Variants in SNTB2 observed in about 807,000 individuals in gnomAD.
SNTB2 encodes the protein syntrophin beta 2.
Under a neutral mutation model 46.2 loss-of-function variants are expected in SNTB2, and 34 were observed. That is an observed-to-expected ratio of 0.74 (90% CI 0.56 to 0.98). The LOEUF is 0.98. Among genes scored for constraint, SNTB2 ranks in the 50% least tolerant of loss-of-function variants. The probability of loss-of-function intolerance (pLI) is 0.00; values close to 1 mark genes in which losing one functional copy is unlikely to be tolerated. For synonymous variants in SNTB2, 290 were observed against 312.6 expected (o/e 0.93, Z 0.76); for missense variants, 603 against 731.4 (o/e 0.82, Z 2.02).
At chr16:69,198,149 C>G (rs915617826) in intron 1 of SNTB2, among the ~76,000 whole-genome samples, 5 of 142,676 alleles carry the variant, frequency 3.5e-5, no homozygotes, top group African/African-American at 1.3e-4. Flanking sequence ...CTCGCTCTGT[C>G]GCCTAGGCTG....
intron 2 of SNTB2, among the ~76,000 whole-genome samples, chr16:69,254,940 A>G (rs939752474): frequency 6.6e-6 from 1 of 152,060 alleles, no homozygotes. Context: ...GGCTCTTAGG[A>G]TGGAAGAATT....
At chr16:69,298,712 G>A (rs1360771354) in intron 5 of SNTB2, among the ~76,000 whole-genome samples, 2 of 151,718 alleles carry the variant, frequency 1.3e-5, no homozygotes, top group African/African-American at 2.4e-5. Flanking sequence ...AGTAGAGACG[G>A]GGTTTCGCCA....
chr16:69,218,808 T>C (rs183722662), intron 1 of SNTB2, among the ~76,000 whole-genome samples: 6 of 152,292 alleles, frequency 3.9e-5, no homozygotes, highest in African/African-American at 1.4e-4. Context: ...ATGATAATCA[T>C]GTTTGTTCTG....
intron 5 of SNTB2, among the ~76,000 whole-genome samples, chr16:69,299,080 G>A (rs1029741217): frequency 2.7e-4 from 41 of 152,000 alleles, no homozygotes; most frequent in African/African-American, 9.4e-4. Context: ...GAATTAAATC[G>A]AACAGATGTC....
chr16:69,270,276 T>G lies in SNTB2; in HGVS notation c.1139T>G (p.Val380Gly). 6.2e-7 allele frequency: 1 copy of G among 1,614,144 alleles called. No homozygotes were observed. Residue 380 changes from valine to glycine, a missense_variant, in exon 4 of 7, where the codon GTT becomes GGT. Physicochemically the swap from Val to Gly is moderately radical, Grantham distance 109. Around this residue, in one of 2 missense-constraint regions of SNTB2, gnomAD observed 537 missense variants for 692.4 expected, o/e 0.78. Coordinates refer to ENST00000336278, the MANE Select transcript of SNTB2 (RefSeq NM_006750.4). ...TCACCATGCCACAGCTACCCACTTG[T>G]TGCCACCAGGTAAGTAAGACTAAAG... ...WASPCHSYPLVATRLVHSGSG... is the reference protein window; with the variant it reads ...WASPCHSYPLGATRLVHSGSG...
At chr16:69,295,999 G>T (rs756227734) in intron 5 of SNTB2, among the ~76,000 whole-genome samples, 1 of 152,214 alleles carries the variant, frequency 6.6e-6, no homozygotes, top group Non-Finnish European at 1.5e-5. Flanking sequence ...TTAAACTATG[G>T]CCGGGTGTAG....
chr16:69,266,866 A>G (rs145624267), intron 3 of SNTB2, among the ~76,000 whole-genome samples: 1 of 152,138 alleles, frequency 6.6e-6, no homozygotes, highest in East Asian at 1.9e-4. Context: ...ACAGATGCAC[A>G]CCATCATGCC....
chr16:69,270,990 A>G (rs907416937), intron 4 of SNTB2, among the ~76,000 whole-genome samples: 1 of 152,232 alleles, frequency 6.6e-6, no homozygotes, highest in African/African-American at 2.4e-5. Context: ...AAAAGTATTT[A>G]GTAGTCAAAA....
At chr16:69,284,706 G>A (rs368047372) in intron 5 of SNTB2, among the ~76,000 whole-genome samples, 2 of 151,916 alleles carry the variant, frequency 1.3e-5, no homozygotes, top group East Asian at 1.9e-4. Flanking sequence ...CTCGGGAGGC[G>A]GAGGTTGCAG....
chr16:69,299,898 A>T lies in SNTB2; in HGVS notation c.1530+124A>T, dbSNP rs1267980504. The T allele has an allele frequency of 9.1e-6, 10 of 1,102,108 alleles. No homozygotes were observed. In the South Asian group the frequency reaches 1.1e-4, roughly 12 times the overall value. 68.3% of individuals were successfully genotyped at this position (1,102,108 alleles called of 1,614,324 possible). A position where few individuals can be genotyped will look rare whatever the true frequency, so the allele number is the denominator to read the frequency against. ...ATTTAGAACCATGAAATTTTAAATT[A>T]AAAAAAATTTTTTTAAAGATGGGGT... is the stretch of plus-strand genomic sequence containing the variant. On this transcript the variant is annotated intron_variant, in intron 6 of 6. Transcript: ENST00000336278.
chr16:69,228,788 C>T (rs1018038868), intron 1 of SNTB2, among the ~76,000 whole-genome samples: 1 of 152,140 alleles, frequency 6.6e-6, no homozygotes, highest in African/African-American at 2.4e-5. Flanking sequence ...GTGTACCTTT[C>T]ACACATTATG....
At chr16:69,200,292 G>A (rs978478866) in intron 1 of SNTB2, among the ~76,000 whole-genome samples, 5 of 152,174 alleles carry the variant, frequency 3.3e-5, no homozygotes, top group Non-Finnish European at 7.3e-5. Context: ...ACAAAATGGG[G>A]AATCAATTTC....
At chr16:69,236,203 G>T (rs916328479) in intron 1 of SNTB2, among the ~76,000 whole-genome samples, 3 of 152,160 alleles carry the variant, frequency 2.0e-5, no homozygotes, top group Non-Finnish European at 4.4e-5. Context: ...AGAAGAGATG[G>T]TTGGAAAGAT....
chr16:69,257,470 G>A (rs983060278), intron 2 of SNTB2, among the ~76,000 whole-genome samples: 2 of 149,584 alleles, frequency 1.3e-5, no homozygotes, highest in Non-Finnish European at 3.0e-5. Flanking sequence ...TTCTTGAGAC[G>A]GAGTCTTGCT....
At chr16:69,295,131 T>C (rs1425026610) in intron 5 of SNTB2, among the ~76,000 whole-genome samples, 11 of 148,642 alleles carry the variant, frequency 7.4e-5, no homozygotes, top group Non-Finnish European at 1.6e-4. Context: ...AAAACTGTAG[T>C]TTTTTACCCC....
At chr16:69,232,204 T>A (rs1964512403) in intron 1 of SNTB2, among the ~76,000 whole-genome samples, 1 of 147,282 alleles carries the variant, frequency 6.8e-6, no homozygotes, top group African/African-American at 2.6e-5. Flanking sequence ...ATTTTTTCTT[T>A]TTTCTTTTTT....
At chr16:69,249,747 T>C (rs1456400042) in intron 2 of SNTB2, among the ~76,000 whole-genome samples, 7 of 152,192 alleles carry the variant, frequency 4.6e-5, no homozygotes, top group Admixed American at 6.6e-5. Context: ...AGATCCACGC[T>C]AGTTTTGAGA....
chr16:69,285,356 CTTTTTTTT>C (rs199516210), intron 5 of SNTB2, among the ~76,000 whole-genome samples: 28,476 of 131,774 alleles, frequency 0.22, 3,114 homozygotes, highest in African/African-American at 0.3. Context: ...GTTCATCTCT[CTTTTTTTT>C]TTTTTTTTTT....
intron 1 of SNTB2, among the ~76,000 whole-genome samples, chr16:69,195,229 C>T (rs553755803): frequency 2.4e-4 from 36 of 152,028 alleles, no homozygotes; most frequent in East Asian, 7.7e-4. Context: ...TCAAAATAGA[C>T]GTATATGATT....
Sources: allele counts gnomAD v4.1 joint callset (sites outside exome capture counted in the v4.1 genomes callset), GRCh38; gene constraint gnomAD v4.1.1; regional missense constraint gnomAD v4.1.1; transcripts MANE v1.5; gene names NCBI Gene and HGNC (gene_info 2026-07-23, HGNC 2026-07-21).